Variants in CPT1A observed in about 807,000 individuals in gnomAD.
The protein encoded by CPT1A is carnitine O-palmitoyltransferase 1, liver isoform.
A neutral mutation model predicts 100.8 loss-of-function variants in CPT1A; 64 were observed. The observed-to-expected ratio is 0.63, with a 90% CI of 0.52 to 0.78. The LOEUF is 0.78. Ranked by LOEUF, CPT1A falls within the 30% of genes least tolerant of loss-of-function variation. The pLI, the probability that CPT1A is intolerant of heterozygous loss-of-function variation, is 0.00. For synonymous variants in CPT1A, 363 were observed against 396.0 expected (o/e 0.92, Z 0.99); for missense variants, 802 against 1,034.1 (o/e 0.78, Z 3.08).
chr11:68,798,052 G>A (rs755655875), intron 6 of CPT1A, among the ~76,000 whole-genome samples: 7 of 152,160 alleles, frequency 4.6e-5, no homozygotes, highest in Non-Finnish European at 5.9e-5. Context: ...TGCTTCCCAG[G>A]TCTGCCTGAA....
chr11:68,771,148 G>C (rs1854977505), intron 14 of CPT1A, among the ~76,000 whole-genome samples: 1 of 152,224 alleles, frequency 6.6e-6, no homozygotes, highest in Non-Finnish European at 1.5e-5. Flanking sequence ...GGAGTCACAA[G>C]GGTGGCTCCC....
chr11:68,786,728 C>T (rs1855473360), intron 9 of CPT1A, among the ~76,000 whole-genome samples: 1 of 152,158 alleles, frequency 6.6e-6, no homozygotes, highest in African/African-American at 2.4e-5. Flanking sequence ...GGGGTTTCAC[C>T]GTGTTGGCCA....
At chr11:68,809,461 A>T (rs765754563) in intron 3 of CPT1A, among the ~76,000 whole-genome samples, 4 of 152,206 alleles carry the variant, frequency 2.6e-5, no homozygotes, top group Non-Finnish European at 4.4e-5. Context: ...ACAAACTCAG[A>T]GACAAACCTC....
At chr11:68,787,349 G>A (rs186304145) in intron 9 of CPT1A, among the ~76,000 whole-genome samples, 23 of 151,338 alleles carry the variant, frequency 1.5e-4, no homozygotes, top group Non-Finnish European at 2.7e-4. Context: ...GGCAGGAGAA[G>A]CTTGAACCCG....
chr11:68,821,741 T>C (rs1856590207), intron 1 of CPT1A, among the ~76,000 whole-genome samples: 1 of 152,208 alleles, frequency 6.6e-6, no homozygotes, highest in South Asian at 2.1e-4. Flanking sequence ...TTTCAATCCT[T>C]GGTTGGTTAA....
rs761120296 is a variant in CPT1A, at chr11:68,759,635, C to T, written c.2169G>A (p.Ser723=). The T allele has an allele frequency of 9.9e-6, 16 of 1,613,642 alleles. No homozygotes were observed. Among genetic ancestry groups the T allele is most frequent in the African/African-American group, 4.0e-5 (3 of 74,996 alleles). The stretch of plus-strand genomic sequence containing the variant: ...TGAGGTTCTCTCCCACAAGGATGTA[C>T]GACACACCATAGCCGTCATCAGCAA... The part of the protein sequence containing the change: ...GPVADDGYGV[S]YILVGENLIN... Residue 723 remains serine, a synonymous_variant, in exon 18 of 19, where the codon TCG becomes TCA. Transcript: ENST00000265641.
At chr11:68,801,353 G>C (rs186044241) in intron 5 of CPT1A, among the ~76,000 whole-genome samples, 18 of 152,170 alleles carry the variant, frequency 1.2e-4, no homozygotes, top group African/African-American at 3.9e-4. Flanking sequence ...GGGTGGGCCA[G>C]GTATGGTAGC....
chr11:68,832,247 G>A (rs1008778726), intron 1 of CPT1A, among the ~76,000 whole-genome samples: 2 of 152,094 alleles, frequency 1.3e-5, no homozygotes, highest in South Asian at 2.1e-4. Context: ...TCAAGAGTTC[G>A]AGACCAGCCT....
rs1369214686 is a variant in CPT1A, at chr11:68,776,352, C to T, written c.1459-920G>A. On this transcript the variant is annotated intron_variant, in intron 12 of 18. Coordinates refer to ENST00000265641, the MANE Select transcript of CPT1A (RefSeq NM_001876.4). The stretch of plus-strand genomic sequence containing the variant: ...AGGTCATGGTTTCAATGAGTCATGA[C>T]TGTGCCACTGCACTCCAGCCTGAGC... Among the ~76,000 whole-genome samples the T allele has an allele frequency of 2.0e-5, 3 of 152,274 alleles. No individual in the cohort carries two copies. The South Asian group carries it at 6.2e-4, about 32-fold the overall frequency.
At chr11:68,763,026 T>G (rs1854675519) in intron 14 of CPT1A, among the ~76,000 whole-genome samples, 1 of 152,080 alleles carries the variant, frequency 6.6e-6, no homozygotes. Context: ...TTTAAAATTT[T>G]TTTTGTAGAG....
At chr11:68,775,887 A>G (rs2153997162) in intron 12 of CPT1A, among the ~76,000 whole-genome samples, 1 of 152,366 alleles carries the variant, frequency 6.6e-6, no homozygotes, top group African/African-American at 2.4e-5. Flanking sequence ...ACTCACTGAA[A>G]TGAAATGAAT....
At chr11:68,764,026 A>C (rs1231910629) in intron 14 of CPT1A, among the ~76,000 whole-genome samples, 2 of 152,198 alleles carry the variant, frequency 1.3e-5, no homozygotes, top group Non-Finnish European at 2.9e-5. Context: ...GAACGTGGGC[A>C]TCTGGGCCTA....
chr11:68,797,777 G>A (rs532446381), intron 6 of CPT1A, among the ~76,000 whole-genome samples: 6 of 152,106 alleles, frequency 3.9e-5, no homozygotes, highest in African/African-American at 1.2e-4. Flanking sequence ...TAGGAGTTCC[G>A]GACCTGCCTG....
intron 1 of CPT1A, among the ~76,000 whole-genome samples, chr11:68,817,780 G>C (rs976243019): frequency 6.7e-6 from 1 of 149,120 alleles, no homozygotes; most frequent in African/African-American, 2.5e-5. Context: ...GACAGCTAAG[G>C]TCAAGAGCAG....
chr11:68,800,183 G>A (rs1375011861), intron 5 of CPT1A, among the ~76,000 whole-genome samples: 2 of 152,136 alleles, frequency 1.3e-5, no homozygotes, highest in Non-Finnish European at 2.9e-5. Context: ...ACGGAACCAG[G>A]CTAAGGCCAG....
At chr11:68,804,127 G>C in intron 4 of CPT1A, 26 bp from the exon 5 acceptor site, 1 of 1,565,882 alleles carries the variant, frequency 6.4e-7, no homozygotes, top group Non-Finnish European at 8.8e-7. Flanking sequence ...TATATTTTCA[G>C]ACTACTGCCA....
chr11:68,775,174 C>T, intron 13 of CPT1A, 142 bp downstream of exon 13: 1 of 720,500 alleles, frequency 1.4e-6, no homozygotes, highest in Non-Finnish European at 2.5e-6. Context: ...ACGGAACTCC[C>T]TGAGCAAACA....
rs185556385 is a variant in CPT1A, at chr11:68,757,054, G to A, written c.*590C>T. ...CAAGGTCAGTAAAACTGAAGACCTT[G>A]CATCCTGCTTGCTTCAAATGTGGAG... On this transcript the variant is annotated 3_prime_UTR_variant, in exon 19 of 19. Transcript: ENST00000265641. 176 of 159,758 alleles carry A rather than the reference G, an allele frequency of 1.1e-3. No individual in the cohort carries two copies. Among genetic ancestry groups the A allele is most frequent in the South Asian group, 4.1e-3 (23 of 5,640 alleles). The allele number at this position is 159,758 out of a possible 1,614,324, so 9.9% of individuals were successfully genotyped here. A position where few individuals can be genotyped will look rare whatever the true frequency, so the allele number is the denominator to read the frequency against.
intron 4 of CPT1A, among the ~76,000 whole-genome samples, chr11:68,806,482 G>A (rs1393052455): frequency 3.9e-5 from 6 of 151,944 alleles, no homozygotes; most frequent in Non-Finnish European, 8.8e-5. Context: ...ATAAAAATTA[G>A]TCAGCCATGG....
Sources: allele counts gnomAD v4.1 joint callset (sites outside exome capture counted in the v4.1 genomes callset), GRCh38; gene constraint gnomAD v4.1.1; transcripts MANE v1.5; gene names NCBI Gene and HGNC (gene_info 2026-07-23, HGNC 2026-07-21).